The following HS6ST3 variants were observed in gnomAD, a reference collection of about 807,000 sequenced individuals.
HS6ST3 encodes heparan sulfate 6-O-sulfotransferase 3.
Under a neutral mutation model 36.7 loss-of-function variants are expected in HS6ST3, and 12 were observed. That is an observed-to-expected ratio of 0.33 (90% CI 0.21 to 0.53). The LOEUF (loss-of-function observed/expected upper bound fraction) is 0.53, where lower values mean the gene tolerates loss of function less well. Among genes scored for constraint, HS6ST3 ranks in the 20% least tolerant of loss-of-function variants. The pLI, the probability that HS6ST3 is intolerant of heterozygous loss-of-function variation, is 0.95. For missense variants in HS6ST3, 584 were observed against 640.9 expected (o/e 0.91, Z 0.96); for synonymous variants, 240 against 257.5 (o/e 0.93, Z 0.65).
intron 1 of HS6ST3, among the ~76,000 whole-genome samples, chr13:96,365,531 G>A (rs957502979): frequency 2.0e-5 from 3 of 152,034 alleles, no homozygotes; most frequent in Non-Finnish European, 4.4e-5. Context: ...ATAGGTAAAA[G>A]TAAAAGATTA....
intron 1 of HS6ST3, among the ~76,000 whole-genome samples, chr13:96,805,988 C>T (rs772479789): frequency 1.3e-4 from 20 of 152,140 alleles, no homozygotes; most frequent in South Asian, 6.2e-4. Flanking sequence ...TATCTGGAGG[C>T]GTGGATAGTG....
At chr13:96,162,068 GAA>G (rs2139329279) in intron 1 of HS6ST3, among the ~76,000 whole-genome samples, 1 of 152,220 alleles carries the variant, frequency 6.6e-6, no homozygotes, top group South Asian at 2.1e-4. Flanking sequence ...TTATTAAAAT[GAA>G]AAACATAGCT....
chr13:96,423,912 C>T (rs2055573742), intron 1 of HS6ST3, among the ~76,000 whole-genome samples: 1 of 152,130 alleles, frequency 6.6e-6, no homozygotes, highest in Non-Finnish European at 1.5e-5. Flanking sequence ...TTGTTTCATT[C>T]CCCAAACATG....
At chr13:96,775,197 A>G (rs1398835014) in intron 1 of HS6ST3, among the ~76,000 whole-genome samples, 2 of 152,176 alleles carry the variant, frequency 1.3e-5, no homozygotes, top group Non-Finnish European at 2.9e-5. Flanking sequence ...AAACATGGAA[A>G]GGAAAAACAA....
At chr13:96,201,745 G>C (rs1428100013) in intron 1 of HS6ST3, among the ~76,000 whole-genome samples, 1 of 152,080 alleles carries the variant, frequency 6.6e-6, no homozygotes, top group Non-Finnish European at 1.5e-5. Flanking sequence ...TGATGAGGAT[G>C]GGTATTTAAT....
chr13:96,816,922 G>A (rs1428075167), intron 1 of HS6ST3, among the ~76,000 whole-genome samples: 4 of 152,138 alleles, frequency 2.6e-5, no homozygotes, highest in Non-Finnish European at 5.9e-5. Context: ...TGCTGGAGAT[G>A]CGATTCCCGT....
intron 1 of HS6ST3, among the ~76,000 whole-genome samples, chr13:96,331,717 AGCTTCCCG>A (rs2055069195): frequency 6.6e-6 from 1 of 152,154 alleles, no homozygotes; most frequent in Non-Finnish European, 1.5e-5. Flanking sequence ...ACCCAGTTGG[AGCTTCCCG>A]GCTGCTTTGT....
chr13:96,307,552 G>C (rs996723380), intron 1 of HS6ST3, among the ~76,000 whole-genome samples: 5 of 151,958 alleles, frequency 3.3e-5, no homozygotes, highest in Non-Finnish European at 5.9e-5. Context: ...TGAACCTGTG[G>C]TGTTTACTAA....
chr13:96,436,520 A>T (rs2055643318), intron 1 of HS6ST3, among the ~76,000 whole-genome samples: 1 of 152,008 alleles, frequency 6.6e-6, no homozygotes, highest in Non-Finnish European at 1.5e-5. Flanking sequence ...TGAAGCCCTA[A>T]CCCCCAGTAC....
chr13:96,791,684 C>T (rs1442266089), intron 1 of HS6ST3, among the ~76,000 whole-genome samples: 1 of 152,014 alleles, frequency 6.6e-6, no homozygotes, highest in Non-Finnish European at 1.5e-5. Flanking sequence ...GAAAATACAA[C>T]ACTGTTCACC....
chr13:96,367,505 C>A (rs1310276828), intron 1 of HS6ST3, among the ~76,000 whole-genome samples: 1 of 152,176 alleles, frequency 6.6e-6, no homozygotes, highest in African/African-American at 2.4e-5. Flanking sequence ...GACACTGGTA[C>A]ACTCTTACTA....
chr13:96,603,152 T>C (rs570580333), intron 1 of HS6ST3, among the ~76,000 whole-genome samples: 9 of 152,296 alleles, frequency 5.9e-5, no homozygotes, highest in Non-Finnish European at 1.2e-4. Flanking sequence ...AATGGGACTC[T>C]ACCTGTGTAA....
chr13:96,220,283 A>G lies in HS6ST3; in HGVS notation c.707+128714A>G, dbSNP rs568443101. 1.6e-4 allele frequency among the ~76,000 whole-genome samples: 24 copies of G among 152,348 alleles called. No individual in the cohort carries two copies. The South Asian group carries it at 4.3e-3, about 28-fold the overall frequency. ...GATGTATTTGAAAGACTTTTGGGAAAGATCATCTGGAGGGAAAATATTTTT... is the reference window on the plus strand; with the variant it reads ...GATGTATTTGAAAGACTTTTGGGAAGGATCATCTGGAGGGAAAATATTTTT... On this transcript the variant is annotated intron_variant, in intron 1 of 1. Coordinates refer to ENST00000376705, the MANE Select transcript of HS6ST3 (RefSeq NM_153456.4).
At chr13:96,284,215 C>A (rs7336212) in intron 1 of HS6ST3, among the ~76,000 whole-genome samples, 84,091 of 151,792 alleles carry the variant, frequency 0.55, 24,087 homozygotes, top group African/African-American at 0.7. Flanking sequence ...GAGGCACAGA[C>A]CTAATAGGAT....
chr13:96,764,091 G>A (rs1028970047), intron 1 of HS6ST3, among the ~76,000 whole-genome samples: 8 of 152,270 alleles, frequency 5.3e-5, no homozygotes, highest in Non-Finnish European at 7.4e-5. Context: ...TCACATTCAC[G>A]TCTTTAGATT....
intron 1 of HS6ST3, among the ~76,000 whole-genome samples, chr13:96,538,000 G>T (rs2056162746): frequency 6.6e-6 from 1 of 152,204 alleles, no homozygotes; most frequent in South Asian, 2.1e-4. Flanking sequence ...CAATCTTACA[G>T]TTCTGCCCAA....
At chr13:96,353,193 A>G (rs1248025522) in intron 1 of HS6ST3, among the ~76,000 whole-genome samples, 1 of 151,212 alleles carries the variant, frequency 6.6e-6, no homozygotes, top group East Asian at 2.0e-4. Flanking sequence ...AGCTGGGACT[A>G]TAGGTGTGTT....
intron 1 of HS6ST3, among the ~76,000 whole-genome samples, chr13:96,662,866 G>T (rs1010773956): frequency 3.3e-5 from 5 of 152,128 alleles, no homozygotes; most frequent in African/African-American, 1.2e-4. Context: ...GTGTTGGGTT[G>T]TGCAGTTCAA....
intron 1 of HS6ST3, among the ~76,000 whole-genome samples, chr13:96,655,265 C>T (rs1303151215): frequency 6.6e-6 from 1 of 152,106 alleles, no homozygotes; most frequent in Non-Finnish European, 1.5e-5. Context: ...CCCTGACAGT[C>T]GCCTGCCAAC....
Sources: gnomAD v4.1 joint callset for allele counts (sites outside exome capture counted in the v4.1 genomes callset) on GRCh38, gnomAD v4.1.1 for gene constraint, MANE v1.5 for transcripts, NCBI Gene and HGNC (gene_info 2026-07-23, HGNC 2026-07-21) for gene names.